SPIRE2: variants seen among roughly 807,000 people sequenced by gnomAD.
SPIRE2 encodes protein spire homolog 2.
In SPIRE2, 76 loss-of-function variants were observed where a neutral mutation model predicts 80.7. The ratio of observed to expected loss-of-function variants is 0.94; its 90% CI spans 0.78 to 1.14. The LOEUF is 1.14. SPIRE2 is among the 50% of genes most tolerant of loss of function. The pLI is 0.00. For missense variants in SPIRE2, 1,196 were observed against 1,015.3 expected (o/e 1.18, Z -2.42); for synonymous variants, 535 against 432.6 (o/e 1.24, Z -2.94).
In SPIRE2 at chr16:89,868,155, C is replaced by T. The variant is rs757166394; in HGVS notation, c.1779-34C>T. The T allele has an allele frequency of 5.6e-6, 9 of 1,613,976 alleles. No homozygotes were observed. In the Admixed American group the frequency reaches 1.5e-4, roughly 27 times the overall value. ...TCTCAGCTGTTTGTGGGCTTCCTCCCTGCTGATGCTGCATTTCCTCTGTTC... is the reference window on the plus strand; with the variant it reads ...TCTCAGCTGTTTGTGGGCTTCCTCCTTGCTGATGCTGCATTTCCTCTGTTC... On this transcript the variant is annotated intron_variant, in intron 12 of 14. Transcript: ENST00000378247.
intron 13 of SPIRE2, among the ~76,000 whole-genome samples, chr16:89,869,053 A>ATATAT (rs1555601128): frequency 4.2e-5 from 1 of 24,028 alleles, no homozygotes; most frequent in Non-Finnish European, 7.5e-5. Flanking sequence ...AAAAAAAAAA[A>ATATAT]ATATATATAT....
intron 3 of SPIRE2, among the ~76,000 whole-genome samples, chr16:89,851,451 G>A (rs980533219): frequency 2.0e-5 from 3 of 152,152 alleles, no homozygotes; most frequent in Admixed American, 2.0e-4. Flanking sequence ...TCATTCTCCT[G>A]CCCCTTACAG....
chr16:89,845,252 G>C lies in SPIRE2; in HGVS notation c.245-70G>C, dbSNP rs1055504320. On this transcript the variant is annotated intron_variant, in intron 1 of 14. Coordinates refer to ENST00000378247, the MANE Select transcript of SPIRE2 (RefSeq NM_032451.2). The stretch of plus-strand genomic sequence containing the variant: ...TGGTGTGTGTCCCCGAGGGGGAGGT[G>C]GGGGGACAGCAGTGTTTATTGGGGT... 4 of 1,376,076 alleles carry C rather than the reference G, an allele frequency of 2.9e-6. No individual in the cohort carries two copies. In the Admixed American group the frequency reaches 5.0e-5, roughly 17 times the overall value. 85.2% of individuals were successfully genotyped at this position (1,376,076 alleles called of 1,614,324 possible). A position where few individuals can be genotyped will look rare whatever the true frequency, so the allele number is the denominator to read the frequency against.
In SPIRE2 at chr16:89,871,154, C is replaced by G. The variant is rs1443046034; in HGVS notation, c.*882C>G. ...CTTTCCCTTTCCCTGGGGTCCAAACCACATGTGTCCTGCCTCTCCTGGCCC... is the reference window on the plus strand; with the variant it reads ...CTTTCCCTTTCCCTGGGGTCCAAACGACATGTGTCCTGCCTCTCCTGGCCC... On this transcript the variant is annotated 3_prime_UTR_variant, in exon 15 of 15. Coordinates refer to ENST00000378247, the MANE Select transcript of SPIRE2 (RefSeq NM_032451.2). 1.3e-5 allele frequency: 2 copies of G among 152,550 alleles called. No individual in the cohort carries two copies. The highest frequency in any genetic ancestry group is 1.5e-5 in the Non-Finnish European group (1 of 68,410). 9.4% of individuals were successfully genotyped at this position (152,550 alleles called of 1,614,324 possible). A position where few individuals can be genotyped will look rare whatever the true frequency, so the allele number is the denominator to read the frequency against.
chr16:89,864,996 T>TTTTTTTC (rs941022046), intron 12 of SPIRE2, among the ~76,000 whole-genome samples: 3 of 132,432 alleles, frequency 2.3e-5, no homozygotes, highest in Admixed American at 7.4e-5. Flanking sequence ...GGAAGTATAC[T>TTTTTTTC]TTTTTTCCTT....
intron 2 of SPIRE2, among the ~76,000 whole-genome samples, chr16:89,848,725 G>C (rs2041590042): frequency 6.7e-6 from 1 of 148,876 alleles, no homozygotes; most frequent in Non-Finnish European, 1.5e-5. Flanking sequence ...GGACAGACGA[G>C]GCAGGTTCCA....
In SPIRE2 at chr16:89,863,574, G is replaced by C. The variant is rs768494352; in HGVS notation, c.1674G>C (p.Gln558His). The change falls in exon 11 of 15, where the codon CAG (glutamine) becomes CAC (histidine). Residue 558 changes from glutamine to histidine, a missense_variant. Gln to His is a conservative substitution (Grantham distance 24). Transcript: ENST00000378247. This position sits in a 1 kb window ranked among gnomAD's most constrained non-coding sequence, Gnocchi z 4.3. ...LVKAEMEKFL[Q>H]NKELFSSLKK... ...AGGCCGAGATGGAAAAGTTTTTGCA[G>C]AACAAGGAGCTCTTCAGCAGTCTGA... 4 of 1,614,124 alleles carry C rather than the reference G, an allele frequency of 2.5e-6. No individual in the cohort carries two copies. Among genetic ancestry groups the C allele is most frequent in the East Asian group, 4.5e-5 (2 of 44,886 alleles).
chr16:89,851,659 G>T (rs918451434), intron 3 of SPIRE2, among the ~76,000 whole-genome samples: 5 of 152,130 alleles, frequency 3.3e-5, no homozygotes, highest in Non-Finnish European at 7.4e-5. Flanking sequence ...CCTCTCCCTG[G>T]GCACGGCTGC....
At chr16:89,857,455 A>G (rs926780618) in intron 7 of SPIRE2, among the ~76,000 whole-genome samples, 31 of 151,688 alleles carry the variant, frequency 2.0e-4, no homozygotes, top group African/African-American at 7.5e-4. Context: ...CTTATACCCT[A>G]TTGTCCTGGT....
At chr16:89,858,226 C>T in intron 7 of SPIRE2, 112 bp from the exon 8 acceptor site, 1 of 1,145,902 alleles carries the variant, frequency 8.7e-7, no homozygotes, top group African/African-American at 1.6e-5. Flanking sequence ...CCCTCAGTTT[C>T]CCCTTCTGCA....
At chr16:89,853,538 G>A (rs2041657422) in intron 3 of SPIRE2, among the ~76,000 whole-genome samples, 3 of 152,226 alleles carry the variant, frequency 2.0e-5, no homozygotes, top group Middle Eastern at 6.8e-3. Context: ...TGAGGCCTGT[G>A]GGCAGACACA....
intron 12 of SPIRE2, among the ~76,000 whole-genome samples, chr16:89,867,448 T>G (rs764036427): frequency 1.3e-5 from 2 of 150,850 alleles, no homozygotes; most frequent in Non-Finnish European, 3.0e-5. Flanking sequence ...TGGCCGACAG[T>G]GTGCAGTTTT....
chr16:89,830,910 T>G (rs2041373540), intron 1 of SPIRE2, among the ~76,000 whole-genome samples: 1 of 32,292 alleles, frequency 3.1e-5, no homozygotes, highest in Admixed American at 4.0e-4. Context: ...CTTAGAATCT[T>G]TTTTTTTTTT....
Position 89,863,664 on chromosome 16 carries a change from T to A in SPIRE2, c.1710+54T>A. 6.2e-7 allele frequency: 1 copy of A among 1,612,484 alleles called. No individual in the cohort carries two copies. Among genetic ancestry groups the A allele is most frequent in the South Asian group, 1.1e-5 (1 of 91,038 alleles). On this transcript the variant is annotated intron_variant, in intron 11 of 14. Transcript: ENST00000378247. This position sits in a 1 kb window ranked among gnomAD's most constrained non-coding sequence, Gnocchi z 4.3. Reference sequence around the variant, plus strand: ...TCTTGCCCGCTGGGTCAGGGGCGGGTGCCGAGAGGGCCAGTTCCCAGGACT... The same window carrying A: ...TCTTGCCCGCTGGGTCAGGGGCGGGAGCCGAGAGGGCCAGTTCCCAGGACT...
intron 13 of SPIRE2, among the ~76,000 whole-genome samples, chr16:89,868,729 C>T (rs2041810476): frequency 6.6e-6 from 1 of 151,986 alleles, no homozygotes; most frequent in South Asian, 2.1e-4. Context: ...GTGGCACGCA[C>T]CTGTAATCCT....
In SPIRE2 at chr16:89,856,326, C is replaced by T. The variant is rs901299828; in HGVS notation, c.1102+90C>T. ...GGTCAGGTTGCACATTGGAAGGTGGCGTCTCCCTGAGGGCGCCTGAACCCA... is the reference window on the plus strand; with the variant it reads ...GGTCAGGTTGCACATTGGAAGGTGGTGTCTCCCTGAGGGCGCCTGAACCCA... On this transcript the variant is annotated intron_variant, in intron 7 of 14. Coordinates refer to ENST00000378247, the MANE Select transcript of SPIRE2 (RefSeq NM_032451.2). 1.5e-5 allele frequency: 21 copies of T among 1,423,456 alleles called. No individual in the cohort carries two copies. The Admixed American group carries it at 1.5e-4, about 10-fold the overall frequency. 88.2% of individuals were successfully genotyped at this position (1,423,456 alleles called of 1,614,324 possible). A position where few individuals can be genotyped will look rare whatever the true frequency, so the allele number is the denominator to read the frequency against.
At chr16:89,843,473 G>T (rs956161228) in intron 1 of SPIRE2, among the ~76,000 whole-genome samples, 2 of 151,346 alleles carry the variant, frequency 1.3e-5, no homozygotes, top group Non-Finnish European at 2.9e-5. Flanking sequence ...TCTCCAAATC[G>T]GTGGTCTCAG....
At chr16:89,837,211 A>C (rs1273440881) in intron 1 of SPIRE2, among the ~76,000 whole-genome samples, 2 of 152,146 alleles carry the variant, frequency 1.3e-5, no homozygotes, top group Non-Finnish European at 2.9e-5. Context: ...CTCCCAGGTC[A>C]GCCTGAGAAT....
At chr16:89,869,286 C>T (rs1222311679) in intron 13 of SPIRE2, among the ~76,000 whole-genome samples, 1 of 151,586 alleles carries the variant, frequency 6.6e-6, no homozygotes, top group Non-Finnish European at 1.5e-5. Flanking sequence ...AGCCCCTGTC[C>T]AGATGAGCAG....
Sources: gnomAD v4.1 joint callset for allele counts (sites outside exome capture counted in the v4.1 genomes callset) on GRCh38, gnomAD v4.1.1 for gene constraint, Gnocchi (gnomAD v3.1) non-coding constraint, MANE v1.5 for transcripts, NCBI Gene and HGNC (gene_info 2026-07-23, HGNC 2026-07-21) for gene names.